DCDC1: variants seen among roughly 807,000 people sequenced by gnomAD.
DCDC1 encodes the protein doublecortin domain containing 1.
A neutral mutation model predicts 178.3 loss-of-function variants in DCDC1; 200 were observed. The observed-to-expected ratio is 1.12, with a 90% CI of 1.00 to 1.26. DCDC1 has a LOEUF of 1.26. Ranked by LOEUF, DCDC1 falls within the 50% of genes most tolerant of loss-of-function variation. The pLI is 0.00. For missense variants in DCDC1, 1,983 were observed against 1,749.2 expected, an observed-to-expected ratio of 1.13 and a Z score of -2.38; for synonymous variants, 690 against 604.8, an observed-to-expected ratio of 1.14 and a Z score of -2.07.
intron 9 of DCDC1, among the ~76,000 whole-genome samples, chr11:31,154,983 C>A (rs1965572663): frequency 6.6e-6 from 1 of 152,192 alleles, no homozygotes; most frequent in South Asian, 2.1e-4. Context: ...GGCAAAGGGA[C>A]ATTTATTGTA....
At chr11:31,306,420 C>T (rs201927715) in intron 4 of DCDC1, 32 bp from the exon 5 acceptor site, 3 of 1,555,254 alleles carry the variant, frequency 1.9e-6, no homozygotes, top group Non-Finnish European at 2.6e-6. Flanking sequence ...AAAATTGATG[C>T]ATGCTAATTA....
intron 7 of DCDC1, among the ~76,000 whole-genome samples, chr11:31,282,167 T>G (rs972322370): frequency 2.6e-5 from 4 of 152,118 alleles, no homozygotes; most frequent in African/African-American, 9.7e-5. Context: ...TCATGAAAGG[T>G]TGATAAAATT....
At chr11:31,123,576 C>T (rs909095181) in intron 11 of DCDC1, among the ~76,000 whole-genome samples, 40 of 151,224 alleles carry the variant, frequency 2.6e-4, no homozygotes, top group African/African-American at 9.7e-4. Flanking sequence ...AATATTCTAA[C>T]ATGCAGCCAT....
chr11:30,875,139 G>T (rs923966307), intron 38 of DCDC1, among the ~76,000 whole-genome samples: 3 of 152,136 alleles, frequency 2.0e-5, no homozygotes, highest in Non-Finnish European at 4.4e-5. Context: ...GGCACCCACT[G>T]AATACCTACG....
At chr11:31,048,444 C>T (rs144411227) in intron 20 of DCDC1, among the ~76,000 whole-genome samples, 1 of 152,320 alleles carries the variant, frequency 6.6e-6, no homozygotes, top group African/African-American at 2.4e-5. Context: ...AATATTGGCA[C>T]ATTGCTCTGT....
At chr11:31,037,039 C>G (rs1378707780) in intron 20 of DCDC1, among the ~76,000 whole-genome samples, 2 of 152,128 alleles carry the variant, frequency 1.3e-5, no homozygotes, top group Non-Finnish European at 2.9e-5. Context: ...ACTGAAGCAG[C>G]CTGATTATAG....
Position 31,050,048 on chromosome 11 carries a change from A to G in DCDC1, c.2591+14421T>C, listed in dbSNP as rs185491250. Among the ~76,000 whole-genome samples, 691 of 152,296 alleles carry G rather than the reference A, an allele frequency of 4.5e-3. 7 individuals are homozygous for G. The highest frequency in any genetic ancestry group is 0.016 in the African/African-American group (664 of 41,568). On this transcript the variant is annotated intron_variant, in intron 20 of 38. Coordinates refer to ENST00000684477, the MANE Select transcript of DCDC1 (RefSeq NM_001387274.1). Reference sequence around the variant, plus strand: ...TGAGAATCTGGCTTGCAGACTTCACAGGTAGGGGAAGAACTAAAGCCCTTT... The same window carrying G: ...TGAGAATCTGGCTTGCAGACTTCACGGGTAGGGGAAGAACTAAAGCCCTTT...
At chr11:31,292,477 C>T (rs1373342067) in intron 6 of DCDC1, among the ~76,000 whole-genome samples, 2 of 151,970 alleles carry the variant, frequency 1.3e-5, no homozygotes, top group Non-Finnish European at 2.9e-5. Context: ...AATGGACAAA[C>T]CTCAAAAACA....
intron 9 of DCDC1, among the ~76,000 whole-genome samples, chr11:31,231,045 G>A (rs1477943415): frequency 2.0e-5 from 3 of 151,670 alleles, no homozygotes; most frequent in African/African-American, 7.3e-5. Flanking sequence ...CTGCAGCCTC[G>A]ACCTCCAAGG....
chr11:31,031,794 TAACA>T (rs1314205843), intron 20 of DCDC1, among the ~76,000 whole-genome samples: 1 of 152,142 alleles, frequency 6.6e-6, no homozygotes, highest in African/African-American at 2.4e-5. Context: ...TATGCTGGAA[TAACA>T]AACAATCTAG....
chr11:31,043,679 A>C (rs140899335), intron 20 of DCDC1, among the ~76,000 whole-genome samples: 3 of 152,214 alleles, frequency 2.0e-5, no homozygotes, highest in South Asian at 2.1e-4. Context: ...CGATTTTTAC[A>C]ATTTTTCCTC....
chr11:31,203,516 C>T (rs1422478860), intron 9 of DCDC1, among the ~76,000 whole-genome samples: 2 of 152,122 alleles, frequency 1.3e-5, no homozygotes, highest in African/African-American at 2.4e-5. Context: ...TGAACTGATA[C>T]GGCATCATCT....
intron 20 of DCDC1, among the ~76,000 whole-genome samples, chr11:31,037,647 T>A (rs1565207969): frequency 6.6e-6 from 1 of 152,050 alleles, no homozygotes; most frequent in South Asian, 2.1e-4. Context: ...TATTTTTTAG[T>A]AGAGACGGGG....
chr11:31,327,163 G>A (rs957547260), intron 3 of DCDC1, among the ~76,000 whole-genome samples: 2 of 151,924 alleles, frequency 1.3e-5, no homozygotes, highest in Admixed American at 6.6e-5. Context: ...ATTCCTCCTA[G>A]TGTTTTGTTT....
chr11:31,110,188 G>A (rs1006152741), intron 12 of DCDC1, 72 bp downstream of exon 12: 2 of 644,068 alleles, frequency 3.1e-6, no homozygotes, highest in African/African-American at 3.6e-5. Context: ...ACTTTAAGAT[G>A]TAATTGTCTA....
At chr11:31,029,543 T>A (rs1459937133) in intron 20 of DCDC1, among the ~76,000 whole-genome samples, 26 of 152,106 alleles carry the variant, frequency 1.7e-4, no homozygotes, top group Admixed American at 1.7e-3. Context: ...TATATATTTT[T>A]TAAATTGACA....
At chr11:31,163,611 AG>A (rs1966512056) in intron 9 of DCDC1, among the ~76,000 whole-genome samples, 1 of 152,134 alleles carries the variant, frequency 6.6e-6, no homozygotes, top group Non-Finnish European at 1.5e-5. Flanking sequence ...TGTTAAAATA[AG>A]CTAAAAGAGA....
intron 6 of DCDC1, among the ~76,000 whole-genome samples, chr11:31,293,607 T>C (rs1947388201): frequency 6.6e-6 from 1 of 152,184 alleles, no homozygotes; most frequent in African/African-American, 2.4e-5. Flanking sequence ...AAACTGTCTC[T>C]TTCACATGCA....
chr11:30,902,597 A>T (rs400847), intron 32 of DCDC1, among the ~76,000 whole-genome samples: 15,453 of 152,156 alleles, frequency 0.1, 969 homozygotes, highest in Admixed American at 0.19. Flanking sequence ...TTATGTAAGA[A>T]ATTTAAAATA....
Sources: gnomAD v4.1 joint callset for allele counts (sites outside exome capture counted in the v4.1 genomes callset) on GRCh38, gnomAD v4.1.1 for gene constraint, MANE v1.5 for transcripts, NCBI Gene and HGNC (gene_info 2026-07-23, HGNC 2026-07-21) for gene names.